Variants in GRHL2 observed in about 807,000 individuals in gnomAD.
GRHL2 encodes the protein grainyhead like transcription factor 2.
Under a neutral mutation model 83.8 loss-of-function variants are expected in GRHL2, and 21 were observed. The ratio of observed to expected loss-of-function variants is 0.25; its 90% CI spans 0.18 to 0.36. The LOEUF is 0.36. GRHL2 is among the 10% of genes least tolerant of loss of function. The pLI is 1.00. For synonymous variants in GRHL2, 280 were observed against 278.9 expected (o/e 1.00, Z -0.04); for missense variants, 623 against 781.8 (o/e 0.80, Z 2.42).
In GRHL2 at chr8:101,558,674, A is replaced by G. The variant is rs1215560077; in HGVS notation, c.540A>G (p.Glu180=). 5 of 1,614,074 alleles carry G rather than the reference A, an allele frequency of 3.1e-6. No individual in the cohort carries two copies. Among genetic ancestry groups the G allele is most frequent in the Admixed American group, 1.7e-5 (1 of 60,006 alleles). The change falls in exon 4 of 16, where the codon GAA becomes GAG. Residue 180 remains glutamate (E), a synonymous_variant. Transcript: ENST00000646743. The part of the protein sequence containing the change: ...PPVHYPRGDG[E]EQRVVIFEQT... ...TGCACTATCCCCGGGGAGATGGGGA[A>G]GAGCAACGAGTGGTTATCTTTGAAC...
At chr8:101,588,769 T>C (rs1812218866) in intron 7 of GRHL2, among the ~76,000 whole-genome samples, 1 of 152,242 alleles carries the variant, frequency 6.6e-6, no homozygotes, top group African/African-American at 2.4e-5. Flanking sequence ...AGTACAACTA[T>C]AAGTGTTTGA....
At chr8:101,532,303 T>G (rs540041986) in intron 1 of GRHL2, among the ~76,000 whole-genome samples, 1 of 152,336 alleles carries the variant, frequency 6.6e-6, no homozygotes. Flanking sequence ...TATCACATTT[T>G]GAACCTTTGC....
intron 2 of GRHL2, chr8:101,543,737 T>G (rs1811202960): frequency 7.7e-6 from 3 of 391,218 alleles, no homozygotes; most frequent in South Asian, 7.1e-5. Context: ...CTTGTTGCTA[T>G]GTTTACTTTA....
At chr8:101,513,575 A>G (rs1586408370) in intron 1 of GRHL2, among the ~76,000 whole-genome samples, 1 of 135,792 alleles carries the variant, frequency 7.4e-6, no homozygotes, top group African/African-American at 2.8e-5. Context: ...GCTCACTGCA[A>G]CCTCCACCTC....
intron 8 of GRHL2, among the ~76,000 whole-genome samples, chr8:101,610,325 C>T (rs919501152): frequency 1.3e-5 from 2 of 150,934 alleles, no homozygotes; most frequent in African/African-American, 5.0e-5. Context: ...TTCACAAAAT[C>T]CCCAGGGAGA....
chr8:101,650,145 A>G (rs1813591842), intron 14 of GRHL2, among the ~76,000 whole-genome samples: 1 of 152,178 alleles, frequency 6.6e-6, no homozygotes, highest in Admixed American at 6.5e-5. Context: ...TTGTTTTTTT[A>G]TAGTGATAGA....
chr8:101,664,371 G>C, intron 14 of GRHL2, 83 bp from the exon 15 acceptor site: 2 of 952,234 alleles, frequency 2.1e-6, no homozygotes, highest in Non-Finnish European at 3.4e-6. Context: ...AAATGTCCAA[G>C]GGAGTGAAAC....
intron 11 of GRHL2, 136 bp downstream of exon 11, chr8:101,632,501 C>T (rs1813206539): frequency 1.9e-6 from 2 of 1,054,794 alleles, no homozygotes; most frequent in Admixed American, 1.8e-5. Context: ...CAATGTCATT[C>T]CCTATAGTAA....
chr8:101,516,376 A>AGCAACTG (rs1486367497), intron 1 of GRHL2, among the ~76,000 whole-genome samples: 2 of 150,618 alleles, frequency 1.3e-5, no homozygotes, highest in African/African-American at 4.9e-5. Context: ...TCTGATCTCC[A>AGCAACTG]GCAACTGTAC....
At chr8:101,586,171 C>G (rs933318827) in intron 7 of GRHL2, among the ~76,000 whole-genome samples, 1 of 150,344 alleles carries the variant, frequency 6.7e-6, no homozygotes, top group East Asian at 2.0e-4. Flanking sequence ...GCTCCGCTTC[C>G]CGGGTTCACG....
At chr8:101,502,234 C>T (rs560025292) in intron 1 of GRHL2, among the ~76,000 whole-genome samples, 1 of 152,160 alleles carries the variant, frequency 6.6e-6, no homozygotes, top group Non-Finnish European at 1.5e-5. Context: ...TAAATGATCT[C>T]CGTGAATAAT....
intron 6 of GRHL2, among the ~76,000 whole-genome samples, chr8:101,575,972 G>A (rs1346301782): frequency 6.6e-6 from 1 of 152,154 alleles, no homozygotes; most frequent in African/African-American, 2.4e-5. Flanking sequence ...ACAAACATCT[G>A]CTTTCTTGTG....
intron 1 of GRHL2, among the ~76,000 whole-genome samples, chr8:101,504,245 C>T (rs982976520): frequency 1.3e-5 from 2 of 152,160 alleles, no homozygotes; most frequent in African/African-American, 4.8e-5. Flanking sequence ...TGTGCTATTC[C>T]TTAGTGACCT....
chr8:101,666,791 C>CCAT lies in GRHL2; in HGVS notation c.*90_*92dup, dbSNP rs1308498058. ...AGCCCCAGCCCCAGAACCTGGAGAC[C>CCAT]CATCTCCCCCATCTCACAACTGCTG... On this transcript the variant is annotated 3_prime_UTR_variant, in exon 16 of 16. Coordinates refer to ENST00000646743, the MANE Select transcript of GRHL2 (RefSeq NM_024915.4). The CCAT allele has an allele frequency of 2.6e-6, 2 of 782,964 alleles. No individual in the cohort carries two copies. The highest frequency in any genetic ancestry group is 4.6e-6 in the Non-Finnish European group (2 of 439,306). The allele number at this position is 782,964 out of a possible 1,614,324, so 48.5% of individuals were successfully genotyped here.
chr8:101,536,379 G>A (rs1431525612), intron 1 of GRHL2, among the ~76,000 whole-genome samples: 1 of 152,186 alleles, frequency 6.6e-6, no homozygotes, highest in East Asian at 1.9e-4. Flanking sequence ...AATAAATACG[G>A]TGATTGACTT....
intron 1 of GRHL2, among the ~76,000 whole-genome samples, chr8:101,494,633 A>G (rs1810057529): frequency 6.6e-6 from 1 of 152,212 alleles, no homozygotes; most frequent in Non-Finnish European, 1.5e-5. Context: ...TTGCAAATCT[A>G]ATTTAATTAA....
intron 14 of GRHL2, 40 bp downstream of exon 14, chr8:101,649,539 G>C (rs923803267): frequency 1.4e-6 from 2 of 1,459,406 alleles, no homozygotes; most frequent in Non-Finnish European, 1.9e-6. Context: ...GAAACCTGCT[G>C]TGTTCTCTCT....
chr8:101,678,397 C>G, the GRHL2 span, among the ~76,000 whole-genome samples: 1 of 152,130 alleles, frequency 6.6e-6, no homozygotes, highest in African/African-American at 2.4e-5. Flanking sequence ...CGGCGCACCA[C>G]GAGATTATAT....
At chr8:101,496,789 A>T (rs987225301) in intron 1 of GRHL2, among the ~76,000 whole-genome samples, 1 of 152,118 alleles carries the variant, frequency 6.6e-6, no homozygotes, top group African/African-American at 2.4e-5. Flanking sequence ...ATCAAGCCCT[A>T]AGATACCTGG....
Sources: allele counts gnomAD v4.1 joint callset (sites outside exome capture counted in the v4.1 genomes callset), GRCh38; gene constraint gnomAD v4.1.1; transcripts MANE v1.5; gene names NCBI Gene and HGNC (gene_info 2026-07-23, HGNC 2026-07-21).